Variants in ZBTB20 observed in about 807,000 individuals in gnomAD.
ZBTB20 encodes the protein zinc finger and BTB domain containing 20, also known as zinc finger and BTB domain-containing protein 20.
A neutral mutation model predicts 56.9 loss-of-function variants in ZBTB20; 9 were observed. The observed-to-expected ratio is 0.16, with a 90% CI of 0.10 to 0.28. ZBTB20 has a LOEUF of 0.28. Ranked by LOEUF, ZBTB20 falls within the 10% of genes least tolerant of loss-of-function variation. The pLI is 1.00. For missense variants in ZBTB20, 655 were observed against 1,003.0 expected (o/e 0.65, Z 4.69); for synonymous variants, 417 against 420.7 (o/e 0.99, Z 0.11).
chr3:114,545,059 C>A (rs894074918), intron 6 of ZBTB20, among the ~76,000 whole-genome samples: 1 of 152,172 alleles, frequency 6.6e-6, no homozygotes, highest in Non-Finnish European at 1.5e-5. Context: ...TCTGCTCACA[C>A]CTCTTCTTTC....
intron 5 of ZBTB20, among the ~76,000 whole-genome samples, chr3:114,695,506 A>T (rs1356360580): frequency 6.6e-6 from 1 of 151,998 alleles, no homozygotes; most frequent in Non-Finnish European, 1.5e-5. Flanking sequence ...TGACAACAAG[A>T]GGCAGGGAAA....
intron 6 of ZBTB20, among the ~76,000 whole-genome samples, chr3:114,682,566 T>C (rs1013107636): frequency 2.0e-5 from 3 of 152,012 alleles, no homozygotes; most frequent in African/African-American, 7.2e-5. Flanking sequence ...CTTACCATAA[T>C]TGATGAATTC....
intron 4 of ZBTB20, among the ~76,000 whole-genome samples, chr3:114,855,569 A>C (rs935241843): frequency 1.3e-5 from 2 of 152,214 alleles, no homozygotes; most frequent in Admixed American, 6.6e-5. Context: ...GGGAAGGTAA[A>C]CCAAAAACTA....
intron 5 of ZBTB20, among the ~76,000 whole-genome samples, chr3:114,722,993 C>T (rs570385913): frequency 1.3e-5 from 2 of 152,124 alleles, no homozygotes; most frequent in African/African-American, 2.4e-5. Context: ...TTAATCGAAA[C>T]GTAGCTCTTT....
intron 7 of ZBTB20, among the ~76,000 whole-genome samples, chr3:114,438,912 TC>T (rs1388742158): frequency 6.6e-6 from 1 of 152,044 alleles, no homozygotes; most frequent in Non-Finnish European, 1.5e-5. Flanking sequence ...GGTATTCCAG[TC>T]CCAGAGCTAC....
chr3:114,916,104 G>T (rs1161502736), intron 3 of ZBTB20, among the ~76,000 whole-genome samples: 1 of 152,032 alleles, frequency 6.6e-6, no homozygotes, highest in African/African-American at 2.4e-5. Flanking sequence ...ATGTTTCTTT[G>T]CTGATTTTCT....
chr3:114,825,567 G>A (rs987379077), intron 4 of ZBTB20, among the ~76,000 whole-genome samples: 5 of 151,836 alleles, frequency 3.3e-5, no homozygotes, highest in African/African-American at 1.2e-4. Context: ...CTCATAGCTG[G>A]AGAAGAAAAT....
At chr3:114,912,994 T>G (rs911336930) in intron 3 of ZBTB20, among the ~76,000 whole-genome samples, 1 of 151,700 alleles carries the variant, frequency 6.6e-6, no homozygotes, top group Non-Finnish European at 1.5e-5. Context: ...TAATGGACAC[T>G]TAGGTTGCTA....
At chr3:114,525,709 C>G (rs1559911385) in intron 6 of ZBTB20, among the ~76,000 whole-genome samples, 1 of 152,156 alleles carries the variant, frequency 6.6e-6, no homozygotes, top group Non-Finnish European at 1.5e-5. Flanking sequence ...CTACAGTATA[C>G]TCAGTAAAAA....
At position 114,338,852 on chromosome 3, in the gene ZBTB20, T is replaced by C; in HGVS notation, c.*153A>G. 1 of 856,824 alleles carries C rather than the reference T, an allele frequency of 1.2e-6. No individual in the cohort carries two copies. Among genetic ancestry groups the C allele is most frequent in the Non-Finnish European group, 1.7e-6 (1 of 595,674 alleles). 53.1% of individuals were successfully genotyped at this position (856,824 alleles called of 1,614,324 possible). ...TGTACCAGCAGGCAAAAAACAGTTC[T>C]TCATGTAGTACAAAATGAAACGAAA... On this transcript the variant is annotated 3_prime_UTR_variant, in exon 12 of 12. Transcript: ENST00000675478.
chr3:114,905,500 A>ATTAC (rs1474012059), intron 3 of ZBTB20, among the ~76,000 whole-genome samples: 1 of 151,834 alleles, frequency 6.6e-6, no homozygotes, highest in Non-Finnish European at 1.5e-5. Context: ...CTTATTCACC[A>ATTAC]TTACATCTGT....
chr3:114,893,208 G>C (rs1471811685), intron 4 of ZBTB20, among the ~76,000 whole-genome samples: 1 of 152,170 alleles, frequency 6.6e-6, no homozygotes, highest in Non-Finnish European at 1.5e-5. Context: ...AAGTCCTGGT[G>C]TACTCAGGTC....
At chr3:114,884,553 A>G (rs993349232) in intron 4 of ZBTB20, among the ~76,000 whole-genome samples, 5 of 152,140 alleles carry the variant, frequency 3.3e-5, no homozygotes, top group Admixed American at 6.5e-5. Flanking sequence ...TCAATCAAAG[A>G]TCATCAGTTT....
At chr3:114,701,408 G>A (rs1239138974) in intron 5 of ZBTB20, among the ~76,000 whole-genome samples, 2 of 152,054 alleles carry the variant, frequency 1.3e-5, no homozygotes, top group Non-Finnish European at 2.9e-5. Context: ...TACCTATAGT[G>A]TAATGCTATG....
intron 5 of ZBTB20, among the ~76,000 whole-genome samples, chr3:114,724,335 T>C (rs1014580354): frequency 3.9e-5 from 6 of 152,168 alleles, no homozygotes; most frequent in Admixed American, 6.5e-5. Flanking sequence ...CTACCAACCA[T>C]ATAATTTAAG....
At chr3:114,751,428 A>G (rs192569501) in intron 5 of ZBTB20, among the ~76,000 whole-genome samples, 16 of 152,252 alleles carry the variant, frequency 1.1e-4, no homozygotes, top group Admixed American at 4.6e-4. Context: ...GGATTGACGT[A>G]TGCTTTTTCT....
At chr3:114,592,835 A>G (rs912488489) in intron 6 of ZBTB20, among the ~76,000 whole-genome samples, 1 of 152,150 alleles carries the variant, frequency 6.6e-6, no homozygotes, top group Non-Finnish European at 1.5e-5. Flanking sequence ...AAAAATCTAT[A>G]TTATACATTT....
In ZBTB20 at chr3:114,582,798, A is replaced by T. The variant is rs577187073; in HGVS notation, c.-294-82407T>A. On this transcript the variant is annotated intron_variant, in intron 6 of 11. Transcript: ENST00000675478. ...TCATCTTCTCTTCACTATCTCTGAT[A>T]ATAGAGCCCAATATTAGTAAGCACT... Among the ~76,000 whole-genome samples, 3 of 152,362 alleles carry T rather than the reference A, an allele frequency of 2.0e-5. No homozygotes were observed. The South Asian group carries it at 6.2e-4, about 32-fold the overall frequency.
intron 7 of ZBTB20, among the ~76,000 whole-genome samples, chr3:114,447,519 T>G (rs2091340723): frequency 6.6e-6 from 1 of 152,206 alleles, no homozygotes; most frequent in Non-Finnish European, 1.5e-5. Context: ...GTAAACTCCA[T>G]TTCCCTTCCC....
Sources: allele counts gnomAD v4.1 joint callset (sites outside exome capture counted in the v4.1 genomes callset), GRCh38; gene constraint gnomAD v4.1.1; transcripts MANE v1.5; gene names NCBI Gene and HGNC (gene_info 2026-07-23, HGNC 2026-07-21).